Variants in SLC38A6 observed in about 807,000 individuals in gnomAD.
The protein encoded by SLC38A6 is solute carrier family 38 member 6.
SLC38A6 carries 73 observed loss-of-function variants against 65.0 expected under a neutral mutation model. The ratio of observed to expected loss-of-function variants is 1.12; its 90% CI spans 0.93 to 1.37. The LOEUF (loss-of-function observed/expected upper bound fraction) is 1.37, where lower values mean the gene tolerates loss of function less well. Ranked by LOEUF, SLC38A6 falls within the 40% of genes most tolerant of loss-of-function variation. The pLI, the probability that SLC38A6 is intolerant of heterozygous loss-of-function variation, is 0.00. For missense variants in SLC38A6, 561 were observed against 531.1 expected, an observed-to-expected ratio of 1.06 and a Z score of -0.55; for synonymous variants, 183 against 178.8, an observed-to-expected ratio of 1.02 and a Z score of -0.19.
intron 16 of SLC38A6, among the ~76,000 whole-genome samples, chr14:61,080,639 AG>A (rs2043607818): frequency 6.6e-6 from 1 of 152,242 alleles, no homozygotes; most frequent in Non-Finnish European, 1.5e-5. Flanking sequence ...GCATGAAGGC[AG>A]CCAAATTCCC....
At chr14:60,998,899 C>G (rs928845889) in intron 3 of SLC38A6, among the ~76,000 whole-genome samples, 2 of 152,208 alleles carry the variant, frequency 1.3e-5, no homozygotes, top group Admixed American at 6.5e-5. Flanking sequence ...TCTCCCGTTT[C>G]AACTTTCCCT....
chr14:61,014,757 A>G (rs1210123387), intron 3 of SLC38A6, among the ~76,000 whole-genome samples: 1 of 152,166 alleles, frequency 6.6e-6, no homozygotes, highest in Non-Finnish European at 1.5e-5. Flanking sequence ...TTTGTCTCAG[A>G]GGAGTACCCG....
chr14:61,028,533 T>C (rs1430974327), intron 5 of SLC38A6, among the ~76,000 whole-genome samples: 1 of 152,160 alleles, frequency 6.6e-6, no homozygotes, highest in Non-Finnish European at 1.5e-5. Flanking sequence ...TAAACCTTCC[T>C]TCTGTTCTGT....
rs765836489 is a variant in SLC38A6 at position 61,030,443 on chromosome 14, A to C, written c.404-2A>C. The C allele has an allele frequency of 6.3e-7, 1 of 1,596,858 alleles. No homozygotes were observed. The highest frequency in any genetic ancestry group is 8.5e-7 in the Non-Finnish European group (1 of 1,171,972). Reference sequence around the variant, plus strand: ...ATAGGAACACTATTTATTCTTTTGCAGCTATGTCATCTTATCTTTTAATTA... The same window carrying C: ...ATAGGAACACTATTTATTCTTTTGCCGCTATGTCATCTTATCTTTTAATTA... On this transcript the variant is annotated splice_acceptor_variant, in intron 5 of 15. Transcript: ENST00000267488. LOFTEE classifies it high-confidence loss of function.
chr14:61,048,184 G>T (rs1292016551), intron 12 of SLC38A6: 3 of 452,274 alleles, frequency 6.6e-6, no homozygotes, highest in Non-Finnish European at 1.3e-5. Context: ...GGAAGAAATT[G>T]CTGGTTGAAC....
intron 9 of SLC38A6, 27 bp from the exon 10 acceptor site, chr14:61,043,423 C>T (rs201429736): frequency 6.4e-7 from 1 of 1,561,692 alleles, no homozygotes; most frequent in Non-Finnish European, 8.7e-7. Context: ...GTTGGTTTCT[C>T]TTTTTCCCCT....
At chr14:61,001,620 G>C (rs1278966734) in intron 3 of SLC38A6, among the ~76,000 whole-genome samples, 3 of 152,152 alleles carry the variant, frequency 2.0e-5, no homozygotes, top group African/African-American at 7.2e-5. Context: ...AACATGTAAA[G>C]AGTTTTGTTT....
rs1427736532 is a variant in SLC38A6, at chr14:61,052,028, C to T, written c.1196-13C>T. The T allele has an allele frequency of 6.3e-7, 1 of 1,598,446 alleles. No individual in the cohort carries two copies. The highest frequency in any genetic ancestry group is 1.7e-4 in the Middle Eastern group (1 of 6,016). On this transcript the variant is annotated splice_polypyrimidine_tract_variant and intron_variant, in intron 14 of 15. Coordinates refer to ENST00000267488, the MANE Select transcript of SLC38A6 (RefSeq NM_153811.3). ...CAGCAATATCCTCTCTTTTTTTTCCCTCCACTTTAAAGGTGCCAGTACATC... is the reference window on the plus strand; with the variant it reads ...CAGCAATATCCTCTCTTTTTTTTCCTTCCACTTTAAAGGTGCCAGTACATC...
At chr14:61,029,631 G>A (rs1415464880) in intron 5 of SLC38A6, among the ~76,000 whole-genome samples, 1 of 152,066 alleles carries the variant, frequency 6.6e-6, no homozygotes, top group Admixed American at 6.6e-5. Flanking sequence ...TATTTTTATA[G>A]AATTTGTTTT....
At chr14:61,019,193 G>GT (rs1206541871) in intron 4 of SLC38A6, among the ~76,000 whole-genome samples, 12 of 152,102 alleles carry the variant, frequency 7.9e-5, no homozygotes, top group Non-Finnish European at 1.2e-4. Context: ...TATTTAAGCA[G>GT]TGTGATAAAA....
At chr14:61,053,000 A>G (rs908863638), downstream of SLC38A6, 2 of 151,836 alleles carry the variant, frequency 1.3e-5, no homozygotes, top group Non-Finnish European at 2.9e-5. Context: ...TAAACCCAGT[A>G]CTCATTAGTT....
At chr14:61,083,133 C>A (rs527945266) in intron 16 of SLC38A6, among the ~76,000 whole-genome samples, 41 of 152,196 alleles carry the variant, frequency 2.7e-4, no homozygotes, top group Non-Finnish European at 4.9e-4. Flanking sequence ...TGGACTGTAG[C>A]AATGGATTCC....
At chr14:60,994,176 C>A (rs1204134143) in intron 3 of SLC38A6, among the ~76,000 whole-genome samples, 1 of 152,200 alleles carries the variant, frequency 6.6e-6, no homozygotes, top group Non-Finnish European at 1.5e-5. Flanking sequence ...AATCTGGAAG[C>A]AACTAAAATG....
intron 15 of SLC38A6, among the ~76,000 whole-genome samples, chr14:61,076,871 T>G (rs1471196993): frequency 1.3e-5 from 2 of 152,220 alleles, no homozygotes; most frequent in Non-Finnish European, 2.9e-5. Context: ...TGTGTTCCAG[T>G]AGTTGTCAAC....
intron 3 of SLC38A6, among the ~76,000 whole-genome samples, chr14:61,008,189 A>G (rs568162283): frequency 1.3e-5 from 2 of 152,310 alleles, no homozygotes; most frequent in East Asian, 3.9e-4. Context: ...CATTTTAGAA[A>G]AGGGCTGTAT....
rs774549086 is a variant in SLC38A6 at position 61,043,524 on chromosome 14, T to C, written c.744+21T>C. On this transcript the variant is annotated intron_variant, in intron 10 of 15. Transcript: ENST00000267488. Reference sequence around the variant, plus strand: ...AAGAGGTGTGTAAGTTATTAACAGATACTTTTAGTTGATTTTTCACATTTC... The same window carrying C: ...AAGAGGTGTGTAAGTTATTAACAGACACTTTTAGTTGATTTTTCACATTTC... 1.3e-5 allele frequency: 21 copies of C among 1,563,276 alleles called. No homozygotes were observed. The Admixed American group carries it at 3.7e-4, about 27-fold the overall frequency.
intron 12 of SLC38A6, among the ~76,000 whole-genome samples, chr14:61,049,242 A>G (rs1271017242): frequency 6.6e-6 from 1 of 152,142 alleles, no homozygotes; most frequent in African/African-American, 2.4e-5. Context: ...TCTCATGCAG[A>G]ACTGTATTAC....
chr14:61,052,223 C>T, intron 15 of SLC38A6, 88 bp downstream of exon 15: 2 of 1,277,386 alleles, frequency 1.6e-6, no homozygotes, highest in Non-Finnish European at 2.1e-6. Context: ...TCAAGAAAGT[C>T]AATATATTTT....
intron 2 of SLC38A6, among the ~76,000 whole-genome samples, chr14:60,983,510 C>T (rs1396537371): frequency 6.6e-6 from 1 of 152,116 alleles, no homozygotes; most frequent in Non-Finnish European, 1.5e-5. Context: ...TCCTTTATAA[C>T]TGGACCTTAT....
Sources: allele counts gnomAD v4.1 joint callset (sites outside exome capture counted in the v4.1 genomes callset), GRCh38; gene constraint gnomAD v4.1.1; transcripts MANE v1.5; gene names NCBI Gene and HGNC (gene_info 2026-07-23, HGNC 2026-07-21).